The following FRMPD4 variants were observed in gnomAD, a reference collection of about 807,000 sequenced individuals.
FRMPD4 encodes the protein FERM and PDZ domain containing 4.
A neutral mutation model predicts 94.1 loss-of-function variants in FRMPD4; 22 were observed. The ratio of observed to expected loss-of-function variants is 0.23; its 90% CI spans 0.17 to 0.33. FRMPD4 has a LOEUF of 0.33. FRMPD4 is among the 10% of genes least tolerant of loss of function. The probability of loss-of-function intolerance (pLI) is 1.00; values close to 1 mark genes in which losing one functional copy is unlikely to be tolerated. For missense variants in FRMPD4, 1,111 were observed against 1,339.9 expected (o/e 0.83, Z 2.67); for synonymous variants, 631 against 548.6 (o/e 1.15, Z -2.10).
At chrX:12,121,380 A>G (rs1229559774) in intron 3 of FRMPD4, among the ~76,000 whole-genome samples, 1 of 111,914 alleles carries the variant, frequency 8.9e-6, no homozygotes, top group Non-Finnish European at 1.9e-5. Context: ...TTCTTATTTT[A>G]AAAGAATTGA....
At chrX:12,262,488 C>T (rs914597859) in intron 1 of FRMPD4, among the ~76,000 whole-genome samples, 1 of 111,396 alleles carries the variant, frequency 9.0e-6, no homozygotes, top group Non-Finnish European at 1.9e-5. Context: ...TTAGACGAGG[C>T]ACTTAATTTC....
chrX:12,665,345 G>T (rs762867062), intron 4 of FRMPD4, among the ~76,000 whole-genome samples: 1 of 110,960 alleles, frequency 9.0e-6, no homozygotes, highest in South Asian at 3.9e-4. Context: ...TTGGGAGGCT[G>T]AGGCAGGAGA....
At chrX:12,468,519 G>T (rs2057474327) in intron 1 of FRMPD4, among the ~76,000 whole-genome samples, 1 of 111,828 alleles carries the variant, frequency 8.9e-6, no homozygotes, top group African/African-American at 3.3e-5. Context: ...CATATTTTGT[G>T]TCTGTATTCA....
At chrX:12,501,439 CTTG>C (rs2148230161) in intron 2 of FRMPD4, among the ~76,000 whole-genome samples, 2 of 85,220 alleles carry the variant, frequency 2.3e-5, no homozygotes, top group East Asian at 1.2e-3. Flanking sequence ...TTTTCCTTTC[CTTG>C]TTTTTTTTTT....
chrX:12,255,499 C>T (rs1252824103), intron 1 of FRMPD4, among the ~76,000 whole-genome samples: 1 of 111,626 alleles, frequency 9.0e-6, no homozygotes, highest in Non-Finnish European at 1.9e-5. Context: ...ATTGCTGTTT[C>T]TTTAGAGTGG....
intron 14 of FRMPD4, among the ~76,000 whole-genome samples, chrX:12,713,600 T>A (rs189669225): frequency 3.2e-3 from 353 of 111,079 alleles, no homozygotes; most frequent in Non-Finnish European, 5.0e-3. Context: ...CAGCATACTC[T>A]AAGGGCTGAA....
In FRMPD4 at chrX:12,377,151, C is replaced by A. The variant is rs184930814; in HGVS notation, c.42-121529C>A. ...TGCCCTGCATATCTAAACACGAAAG[C>A]ACACAGGGCAACATATATAGCCATG... On this transcript the variant is annotated intron_variant, in intron 1 of 16. Coordinates refer to ENST00000675598, the MANE Select transcript of FRMPD4 (RefSeq NM_001368397.1). Among the ~76,000 whole-genome samples the A allele has an allele frequency of 8.0e-4, 90 of 112,432 alleles. 1 individual carries two copies. The highest frequency in any genetic ancestry group is 2.9e-3 in the African/African-American group (89 of 30,958).
chrX:11,978,321 CAAAAAAAAAA>C (rs1172824155), intron 3 of FRMPD4, among the ~76,000 whole-genome samples: 4 of 16,363 alleles, frequency 2.4e-4, no homozygotes, highest in Admixed American at 1.4e-3. Flanking sequence ...AACTCCATCT[CAAAAAAAAAA>C]AAAAAAAAAA....
At chrX:12,636,274 T>A (rs2059442639) in intron 4 of FRMPD4, among the ~76,000 whole-genome samples, 1 of 111,899 alleles carries the variant, frequency 8.9e-6, no homozygotes, top group African/African-American at 3.2e-5. Flanking sequence ...TTTTTTATTG[T>A]CTTTGAAAAA....
chrX:12,427,537 G>A (rs751128292), intron 1 of FRMPD4, among the ~76,000 whole-genome samples: 1 of 111,947 alleles, frequency 8.9e-6, no homozygotes, highest in Admixed American at 9.5e-5. Context: ...TTGGGGCTCT[G>A]AGGGGGAAGA....
At chrX:12,139,940 G>A (rs2055667489) in intron 1 of FRMPD4, among the ~76,000 whole-genome samples, 1 of 112,166 alleles carries the variant, frequency 8.9e-6, no homozygotes, top group Admixed American at 9.4e-5. Flanking sequence ...CCAGGATGTA[G>A]CTTAAAAACT....
At chrX:12,188,936 T>C (rs2147687327) in intron 1 of FRMPD4, among the ~76,000 whole-genome samples, 1 of 111,819 alleles carries the variant, frequency 8.9e-6, no homozygotes, top group South Asian at 3.7e-4. Context: ...TAATTACAAT[T>C]AGAGCAGATA....
At chrX:12,336,740 C>T (rs2055530841) in intron 1 of FRMPD4, among the ~76,000 whole-genome samples, 2 of 111,725 alleles carry the variant, frequency 1.8e-5, no homozygotes, top group African/African-American at 6.5e-5. Flanking sequence ...AAACTAATCC[C>T]ATGCTGAGCC....
At chrX:12,277,974 A>G (rs1278104012) in intron 1 of FRMPD4, among the ~76,000 whole-genome samples, 1 of 112,229 alleles carries the variant, frequency 8.9e-6, no homozygotes, top group African/African-American at 3.2e-5. Flanking sequence ...GCCCTCACCT[A>G]TGTCCCATCC....
At chrX:12,413,068 C>T (rs1010948186) in intron 1 of FRMPD4, among the ~76,000 whole-genome samples, 1 of 111,157 alleles carries the variant, frequency 9.0e-6, no homozygotes, top group Non-Finnish European at 1.9e-5. Context: ...TCTAGGGCTA[C>T]ACCACATCAT....
intron 5 of FRMPD4, 86 bp from the exon 6 acceptor site, chrX:12,683,397 T>G: frequency 2.0e-6 from 1 of 504,310 alleles, no homozygotes; most frequent in East Asian, 3.7e-5. Flanking sequence ...TAAGCAAAAT[T>G]ATTGCATACC....
At chrX:12,250,155 T>C (rs910360223) in intron 1 of FRMPD4, among the ~76,000 whole-genome samples, 2 of 107,517 alleles carry the variant, frequency 1.9e-5, no homozygotes, top group African/African-American at 6.8e-5. Context: ...TGAAGGGAAT[T>C]TTTTGGTGTG....
chrX:12,597,872 G>C (rs1569356796), intron 2 of FRMPD4, among the ~76,000 whole-genome samples: 1 of 112,091 alleles, frequency 8.9e-6, no homozygotes, highest in East Asian at 2.8e-4. Flanking sequence ...TTGACAGAGA[G>C]ACAAACAAAG....
intron 1 of FRMPD4, among the ~76,000 whole-genome samples, chrX:12,175,986 T>C (rs1034438921): frequency 1.8e-5 from 2 of 112,247 alleles, no homozygotes; most frequent in African/African-American, 6.5e-5. Flanking sequence ...TAATGGTTAA[T>C]AGTTGACTCC....
Sources: allele counts gnomAD v4.1 joint callset (sites outside exome capture counted in the v4.1 genomes callset), GRCh38; gene constraint gnomAD v4.1.1; transcripts MANE v1.5; gene names NCBI Gene and HGNC (gene_info 2026-07-23, HGNC 2026-07-21).